HEG1: variants seen among roughly 807,000 people sequenced by gnomAD.
HEG1 encodes protein HEG homolog 1.
In HEG1, 56 loss-of-function variants were observed where a neutral mutation model predicts 125.6. That is an observed-to-expected ratio of 0.45 (90% CI 0.36 to 0.56). The LOEUF is 0.56. HEG1 is among the 20% of genes least tolerant of loss of function. The pLI is 0.00. For missense variants in HEG1, 1,523 were observed against 1,670.0 expected (o/e 0.91, Z 1.53); for synonymous variants, 644 against 668.5 (o/e 0.96, Z 0.57).
At chr3:125,014,671 G>A (rs1252762277) in intron 5 of HEG1, 1 of 1,205,628 alleles carries the variant, frequency 8.3e-7, no homozygotes. Context: ...TAATAGATGA[G>A]CTGAAGGGAT....
At chr3:125,051,527 C>T (rs1937805858) in intron 1 of HEG1, among the ~76,000 whole-genome samples, 1 of 152,216 alleles carries the variant, frequency 6.6e-6, no homozygotes, top group African/African-American at 2.4e-5. Context: ...GTTTCCAGAA[C>T]TGTAAAAGGC....
chr3:125,039,852 AC>A (rs200495487), intron 1 of HEG1, among the ~76,000 whole-genome samples: 8 of 149,846 alleles, frequency 5.3e-5, no homozygotes, highest in Admixed American at 1.3e-4. Context: ...AAAAAAAACA[AC>A]AAAAAAAAAC....
At chr3:124,992,044 C>G (rs981478131) in intron 12 of HEG1, among the ~76,000 whole-genome samples, 2 of 152,148 alleles carry the variant, frequency 1.3e-5, no homozygotes, top group African/African-American at 4.8e-5. Context: ...AACCTTTAAC[C>G]TGATAATGGC....
chr3:125,007,005 C>T (rs967767703), intron 8 of HEG1, among the ~76,000 whole-genome samples: 1 of 151,638 alleles, frequency 6.6e-6, no homozygotes, highest in Non-Finnish European at 1.5e-5. Context: ...CGAGACCATC[C>T]CGGCTAAAAC....
At chr3:125,000,418 T>C (rs1411735424) in intron 11 of HEG1, among the ~76,000 whole-genome samples, 2 of 152,176 alleles carry the variant, frequency 1.3e-5, no homozygotes, top group African/African-American at 4.8e-5. Flanking sequence ...AAATATTTAG[T>C]GAACTGAAAG....
chr3:125,012,704 C>G lies in HEG1; in HGVS notation c.2875G>C (p.Glu959Gln). The part of the protein sequence containing the change: ...SPQTTVVSTA[E>Q]DLAPKSATFA... ...GTGGCAGATTTGGGAGCCAAGTCTT[C>G]AGCCGTGGAAACAACTGTGGTTTGG... The change falls in exon 6 of 17, where the codon GAA (glutamate) becomes CAA (glutamine). Residue 959 changes from glutamate (E) to glutamine (Q), a missense_variant. Transcript: ENST00000311127. The G allele has an allele frequency of 6.2e-7, 1 of 1,613,954 alleles. No homozygotes were observed. Among genetic ancestry groups the G allele is most frequent in the Non-Finnish European group, 8.5e-7 (1 of 1,179,884 alleles).
rs1421493449 is a variant in HEG1 at position 125,029,381 on chromosome 3, C to T, written c.424G>A (p.Val142Met). 5 of 1,613,484 alleles carry T rather than the reference C, an allele frequency of 3.1e-6. No individual in the cohort carries two copies. Among genetic ancestry groups the T allele is most frequent in the Middle Eastern group, 1.6e-4 (1 of 6,062 alleles). The part of the protein sequence containing the change: ...DFSTVSSKEG[V>M]MVQTSGKSHA... ...CTCTTCCCAGAGGTCTGAACCATCA[C>T]GCCCTCTTTGGAGGACACTGTTGAA... is the stretch of plus-strand genomic sequence containing the variant. The change falls in exon 2 of 17, where the codon GTG (valine) becomes ATG (methionine). Residue 142 changes from valine to methionine, a missense_variant. Coordinates refer to ENST00000311127, the MANE Select transcript of HEG1 (RefSeq NM_020733.2).
chr3:125,017,252 G>T (rs886435337), intron 5 of HEG1, among the ~76,000 whole-genome samples: 3 of 152,112 alleles, frequency 2.0e-5, no homozygotes, highest in African/African-American at 7.2e-5. Flanking sequence ...ACAGGGTTTT[G>T]CCATGTTGGC....
intron 5 of HEG1, 38 bp downstream of exon 5, chr3:125,019,224 C>G (rs1222786820): frequency 6.5e-7 from 1 of 1,532,654 alleles, no homozygotes; most frequent in Non-Finnish European, 9.0e-7. Flanking sequence ...TCCCTCTCTC[C>G]TCTATGGGGC....
chr3:125,038,252 TC>T (rs770419435), intron 1 of HEG1, among the ~76,000 whole-genome samples: 68 of 152,246 alleles, frequency 4.5e-4, no homozygotes, highest in Non-Finnish European at 7.2e-4. Flanking sequence ...AGTTTGGGCC[TC>T]GCTGAATTCC....
At chr3:125,045,962 T>TGCTTTCACA (rs1560036228) in intron 1 of HEG1, among the ~76,000 whole-genome samples, 1 of 152,196 alleles carries the variant, frequency 6.6e-6, no homozygotes, top group Non-Finnish European at 1.5e-5. Flanking sequence ...CAGTTACAAG[T>TGCTTTCACA]GCTTTCACAG....
At chr3:125,027,071 A>C (rs1336478714) in intron 3 of HEG1, 134 bp downstream of exon 3, 20 of 747,350 alleles carry the variant, frequency 2.7e-5, no homozygotes, top group Non-Finnish European at 4.0e-5. Context: ...ACCTGGCATT[A>C]GAGGAATGGC....
rs111972358 is a variant in HEG1, at chr3:125,030,740, T to C, written c.317-1252A>G. On this transcript the variant is annotated intron_variant, in intron 1 of 16. Transcript: ENST00000311127. ...GTCCTCTTATACTTCCCATTTTACA[T>C]AGGAAGCAAAGGAGGCATGGAGGGT... is the stretch of plus-strand genomic sequence containing the variant. 4.6e-3 allele frequency among the ~76,000 whole-genome samples: 701 copies of C among 152,206 alleles called. 3 individuals carry two copies. Among genetic ancestry groups the C allele is most frequent in the African/African-American group, 0.016 (663 of 41,522 alleles).
At position 125,013,663 on chromosome 3, in the gene HEG1, G is replaced by T; in HGVS notation, c.1916C>A (p.Thr639Asn). The change falls in exon 6 of 17, where the codon ACC becomes AAC. Residue 639 changes from threonine (T) to asparagine (N), a missense_variant. Transcript: ENST00000311127. ...AACCGAAGTGTTCGGCATATTAATGGTGGGTGTGTAGGACGGAAGGTTGGA... is the reference window on the plus strand; with the variant it reads ...AACCGAAGTGTTCGGCATATTAATGTTGGGTGTGTAGGACGGAAGGTTGGA... Reference protein sequence around the residue: ...HTSNLPSYTPTINMPNTSVVL... With the variant: ...HTSNLPSYTPNINMPNTSVVL... 1 of 1,613,840 alleles carries T rather than the reference G, an allele frequency of 6.2e-7. No homozygotes were observed. Among genetic ancestry groups the T allele is most frequent in the Non-Finnish European group, 8.5e-7 (1 of 1,179,838 alleles).
chr3:124,985,874 T>G (rs1484747162), intron 14 of HEG1, among the ~76,000 whole-genome samples: 3 of 152,162 alleles, frequency 2.0e-5, no homozygotes, highest in African/African-American at 7.2e-5. Context: ...GCCTCCCAGG[T>G]TCAAGCGATT....
At chr3:125,022,050 G>A (rs1339838324) in intron 3 of HEG1, among the ~76,000 whole-genome samples, 3 of 152,146 alleles carry the variant, frequency 2.0e-5, no homozygotes, top group Non-Finnish European at 4.4e-5. Context: ...ACATAAGTAC[G>A]GGTGTCTCCT....
chr3:125,038,255 CTGA>C (rs774020350), intron 1 of HEG1, among the ~76,000 whole-genome samples: 68 of 152,274 alleles, frequency 4.5e-4, no homozygotes, highest in Non-Finnish European at 7.2e-4. Context: ...TTGGGCCTCG[CTGA>C]ATTCCACTCC....
chr3:125,001,297 G>GT lies in HEG1; in HGVS notation c.3517+554dup, dbSNP rs1936995248. Among the ~76,000 whole-genome samples, 6 of 151,208 alleles carry GT rather than the reference G, an allele frequency of 4.0e-5. No individual in the cohort carries two copies. The South Asian group carries it at 1.3e-3, about 32-fold the overall frequency. On this transcript the variant is annotated intron_variant, in intron 11 of 16. Coordinates refer to ENST00000311127, the MANE Select transcript of HEG1 (RefSeq NM_020733.2). Reference sequence around the variant, plus strand: ...GGTTTTGGTGGTGGTTGTTTATTCTGTTTTTTGAGGCAGGGTCTCACTCTG... The same window carrying GT: ...GGTTTTGGTGGTGGTTGTTTATTCTGTTTTTTTGAGGCAGGGTCTCACTCTG...
At chr3:125,025,115 T>C (rs1452451906) in intron 3 of HEG1, among the ~76,000 whole-genome samples, 3 of 152,236 alleles carry the variant, frequency 2.0e-5, no homozygotes, top group African/African-American at 7.2e-5. Flanking sequence ...AGAGCTCCTG[T>C]ATCGTGTAGT....
Sources: gnomAD v4.1 joint callset for allele counts (sites outside exome capture counted in the v4.1 genomes callset) on GRCh38, gnomAD v4.1.1 for gene constraint, MANE v1.5 for transcripts, NCBI Gene and HGNC (gene_info 2026-07-23, HGNC 2026-07-21) for gene names.